NPSR1: variants seen among roughly 807,000 people sequenced by gnomAD.
NPSR1 encodes neuropeptide S receptor.
NPSR1 carries 48 observed loss-of-function variants against 46.9 expected under a neutral mutation model. The ratio of observed to expected loss-of-function variants is 1.02; its 90% CI spans 0.81 to 1.30. The LOEUF is 1.30. Among genes scored for constraint, NPSR1 ranks in the 50% most tolerant of loss-of-function variants. NPSR1 has a pLI of 0.00. For missense variants in NPSR1, 450 were observed against 449.5 expected, an observed-to-expected ratio of 1.00 and a Z score of -0.01; for synonymous variants, 176 against 168.1, an observed-to-expected ratio of 1.05 and a Z score of -0.36.
At chr7:34,730,359 T>G (rs1189257289) in intron 2 of NPSR1, among the ~76,000 whole-genome samples, 1 of 152,180 alleles carries the variant, frequency 6.6e-6, no homozygotes, top group Non-Finnish European at 1.5e-5. Flanking sequence ...TACTTGCTGT[T>G]CCCTCTGGCC....
At chr7:34,659,990 C>T (rs1228395339) in intron 1 of NPSR1, 3 of 419,756 alleles carry the variant, frequency 7.1e-6, no homozygotes, top group Non-Finnish European at 9.6e-6. Context: ...TATTCTGAGA[C>T]TCTGGCAAGA....
intron 2 of NPSR1, among the ~76,000 whole-genome samples, chr7:34,686,848 T>C (rs1470555170): frequency 6.6e-6 from 1 of 151,062 alleles, no homozygotes; most frequent in East Asian, 2.0e-4. Context: ...GAAAAGTAAA[T>C]ATCTTAAGAG....
At chr7:34,695,154 A>T (rs1793455567) in intron 2 of NPSR1, among the ~76,000 whole-genome samples, 1 of 152,234 alleles carries the variant, frequency 6.6e-6, no homozygotes, top group African/African-American at 2.4e-5. Context: ...GAAAGCAGTT[A>T]AAATGCCACA....
intron 2 of NPSR1, among the ~76,000 whole-genome samples, chr7:34,766,244 T>C (rs1399736655): frequency 6.6e-6 from 1 of 152,188 alleles, no homozygotes; most frequent in Non-Finnish European, 1.5e-5. Context: ...CATACATTGT[T>C]GGTGGGAGTA....
intron 3 of NPSR1, among the ~76,000 whole-genome samples, chr7:34,805,379 A>G (rs1172308993): frequency 2.0e-5 from 3 of 151,578 alleles, no homozygotes; most frequent in African/African-American, 7.3e-5. Context: ...GACATACAAA[A>G]AGATAGTCAA....
intron 1 of NPSR1, among the ~76,000 whole-genome samples, chr7:34,676,848 G>A (rs1018415163): frequency 1.3e-5 from 2 of 152,112 alleles, no homozygotes; most frequent in Non-Finnish European, 2.9e-5. Context: ...ATGAAGTAAG[G>A]TGAGATTATC....
downstream of NPSR1, among the ~76,000 whole-genome samples, chr7:34,853,066 T>C (rs776285207): frequency 2.6e-5 from 4 of 152,192 alleles, no homozygotes; most frequent in Admixed American, 6.5e-5. Context: ...GACTTTCATT[T>C]GTGGATAATC....
chr7:34,741,617 C>T lies in NPSR1; in HGVS notation c.281-36845C>T, dbSNP rs749634685. Among the ~76,000 whole-genome samples, 7 of 152,094 alleles carry T rather than the reference C, an allele frequency of 4.6e-5. No homozygotes were observed. In the East Asian group the frequency reaches 7.7e-4, roughly 17 times the overall value. ...AACAAAGGCACACTTTGTACTGATCCTTCAGGGACCCTGGGAATATTCTAA... is the reference window on the plus strand; with the variant it reads ...AACAAAGGCACACTTTGTACTGATCTTTCAGGGACCCTGGGAATATTCTAA... On this transcript the variant is annotated intron_variant, in intron 2 of 8. Transcript: ENST00000360581.
At chr7:34,741,258 A>T (rs1784926198) in intron 2 of NPSR1, among the ~76,000 whole-genome samples, 1 of 152,140 alleles carries the variant, frequency 6.6e-6, no homozygotes, top group Non-Finnish European at 1.5e-5. Flanking sequence ...TTCTTTAAAT[A>T]TTCTTTCTGT....
At chr7:34,791,948 C>T (rs1307047060) in intron 3 of NPSR1, among the ~76,000 whole-genome samples, 3 of 151,830 alleles carry the variant, frequency 2.0e-5, no homozygotes, top group Non-Finnish European at 2.9e-5. Context: ...AACAGTGGTG[C>T]CAAAAATAAA....
intron 2 of NPSR1, among the ~76,000 whole-genome samples, chr7:34,733,803 G>A (rs559009033): frequency 5.9e-5 from 9 of 152,256 alleles, no homozygotes; most frequent in Non-Finnish European, 1.2e-4. Flanking sequence ...GCCTTCTATG[G>A]GATAAAATTA....
chr7:34,689,441 T>C (rs1029717734), intron 2 of NPSR1, among the ~76,000 whole-genome samples: 1 of 150,634 alleles, frequency 6.6e-6, no homozygotes, highest in African/African-American at 2.4e-5. Flanking sequence ...CGGTTTCTAC[T>C]AAAAATGCAA....
chr7:34,860,242 T>C (rs1474808315), intron 8 of NPSR1, among the ~76,000 whole-genome samples: 1 of 151,794 alleles, frequency 6.6e-6, no homozygotes, highest in Non-Finnish European at 1.5e-5. Context: ...ACCCACATGC[T>C]GATGTGATAC....
chr7:34,872,436 GT>G (rs1241907031), intron 8 of NPSR1, among the ~76,000 whole-genome samples: 1 of 151,902 alleles, frequency 6.6e-6, no homozygotes, highest in African/African-American at 2.4e-5. Flanking sequence ...CTCCCCTTAG[GT>G]CAGGCTAATT....
At chr7:34,870,073 G>A (rs1791415067) in intron 8 of NPSR1, among the ~76,000 whole-genome samples, 1 of 151,758 alleles carries the variant, frequency 6.6e-6, no homozygotes, top group Admixed American at 6.5e-5. Flanking sequence ...TCTTCTTCTT[G>A]TCATCTGCCT....
At chr7:34,741,103 T>C (rs1784920383) in intron 2 of NPSR1, among the ~76,000 whole-genome samples, 1 of 152,260 alleles carries the variant, frequency 6.6e-6, no homozygotes, top group Admixed American at 6.5e-5. Flanking sequence ...TTTTTGTTAC[T>C]TTTAAGATTG....
intron 2 of NPSR1, among the ~76,000 whole-genome samples, chr7:34,749,706 C>T (rs959358746): frequency 6.6e-6 from 1 of 152,162 alleles, no homozygotes; most frequent in Non-Finnish European, 1.5e-5. Context: ...CACAGCTTGG[C>T]CCTGATTATT....
At chr7:34,786,724 T>C (rs1787482495) in intron 3 of NPSR1, among the ~76,000 whole-genome samples, 1 of 152,154 alleles carries the variant, frequency 6.6e-6, no homozygotes, top group Non-Finnish European at 1.5e-5. Context: ...AAGTTTAATC[T>C]TTTTGTTCAT....
At chr7:34,717,913 TC>T (rs899962382) in intron 2 of NPSR1, among the ~76,000 whole-genome samples, 7 of 152,122 alleles carry the variant, frequency 4.6e-5, no homozygotes, top group African/African-American at 1.7e-4. Flanking sequence ...GGATCTGGAA[TC>T]CCCTGAACCA....
Sources: allele counts gnomAD v4.1 joint callset (sites outside exome capture counted in the v4.1 genomes callset), GRCh38; gene constraint gnomAD v4.1.1; transcripts MANE v1.5; gene names NCBI Gene and HGNC (gene_info 2026-07-23, HGNC 2026-07-21).